GABBR1: variants seen among roughly 807,000 people sequenced by gnomAD.
GABBR1 encodes the protein GABA-B receptor, R1 subunit.
A neutral mutation model predicts 117.7 loss-of-function variants in GABBR1; 35 were observed. That is an observed-to-expected ratio of 0.30 (90% confidence interval 0.23 to 0.39). The LOEUF (loss-of-function observed/expected upper bound fraction) is 0.39, where lower values mean the gene tolerates loss of function less well. GABBR1 is among the 10% of genes least tolerant of loss of function. The probability of loss-of-function intolerance (pLI) is 1.00; values close to 1 mark genes in which losing one functional copy is unlikely to be tolerated. For synonymous variants in GABBR1, 442 were observed against 486.6 expected, an observed-to-expected ratio of 0.91 and a Z score of 1.21; for missense variants, 709 against 1,241.8, an observed-to-expected ratio of 0.57 and a Z score of 6.45.
At position 29,622,191 on chromosome 6, in the gene GABBR1, C is replaced by G. The variant is rs778954732; in HGVS notation, c.978G>C (p.Leu326=). The change falls in exon 9 of 23, where the codon CTG becomes CTC. Residue 326 remains leucine, a synonymous_variant. Coordinates refer to ENST00000377034, the MANE Select transcript of GABBR1 (RefSeq NM_001470.4). This position sits in a 1 kb window ranked among gnomAD's most constrained non-coding sequence, Gnocchi z 4.6. ...TEVFTSTLDD[L]EERVKEAGIE... ...TTCCAGCCTCCTTCACTCGTTCCTC[C>G]AGGTCGTCCAGAGTCTTGGGTGGGA... 5 of 1,613,790 alleles carry G rather than the reference C, an allele frequency of 3.1e-6. No individual in the cohort carries two copies. In the African/African-American group the frequency reaches 4.0e-5, roughly 13 times the overall value.
Position 29,606,575 on chromosome 6 carries a change from C to T in GABBR1, c.2218-91G>A. 1.1e-6 allele frequency: 1 copy of T among 894,354 alleles called. No homozygotes were observed. Among genetic ancestry groups the T allele is most frequent in the Admixed American group, 1.8e-5 (1 of 57,034 alleles). The allele number at this position is 894,354 out of a possible 1,614,324, so 55.4% of individuals were successfully genotyped here. On this transcript the variant is annotated intron_variant, in intron 18 of 22. Coordinates refer to ENST00000377034, the MANE Select transcript of GABBR1 (RefSeq NM_001470.4). This position sits in a 1 kb window ranked among gnomAD's most constrained non-coding sequence, Gnocchi z 4.5. Reference sequence around the variant, plus strand: ...CAGTCTCTGGCTTCCAACTGTTTTCCTATGAGACCCTCAATGCTGATGCCA... The same window carrying T: ...CAGTCTCTGGCTTCCAACTGTTTTCTTATGAGACCCTCAATGCTGATGCCA...
At chr6:29,615,465 T>C (rs1204597736) in intron 11 of GABBR1, among the ~76,000 whole-genome samples, 2 of 151,066 alleles carry the variant, frequency 1.3e-5, no homozygotes, top group Non-Finnish European at 2.9e-5. Flanking sequence ...AAAAATTAGC[T>C]GGGTGTGTTG....
chr6:29,613,344 C>T lies in GABBR1; in HGVS notation c.1465G>A (p.Gly489Ser), dbSNP rs1805057. ...TCCTCCAGGCGCACACCAGAACGGCCGCCTCCTCCAGATGTCTTGTTCAGG... is the reference window on the plus strand; with the variant it reads ...TCCTCCAGGCGCACACCAGAACGGCTGCCTCCTCCAGATGTCTTGTTCAGG... ...LALNKTSGGG[G>S]RSGVRLEDFN... The change falls in exon 12 of 23, where the codon GGC (glycine) becomes AGC (serine). Residue 489 changes from glycine to serine, a missense_variant. This residue lies in a region of GABBR1 where 38 missense variants were observed against 47.7 expected (regional missense o/e 0.80). Transcript: ENST00000377034. This position sits in a 1 kb window ranked among gnomAD's most constrained non-coding sequence, Gnocchi z 4.1. 2,618 of 1,613,066 alleles carry T rather than the reference C, an allele frequency of 1.6e-3. 5 individuals carry two copies. Among genetic ancestry groups the T allele is most frequent in the Non-Finnish European group, 2.0e-3 (2,316 of 1,180,010 alleles).
rs554775105 is a variant in GABBR1 at position 29,631,905 on chromosome 6, C to G, written c.86-306G>C. Reference sequence around the variant, plus strand: ...TGAAGGGTATGATATGTGGGTGGAGCTTTTCTTTAAAAAAAAAGGCTAAAT... The same window carrying G: ...TGAAGGGTATGATATGTGGGTGGAGGTTTTCTTTAAAAAAAAAGGCTAAAT... On this transcript the variant is annotated intron_variant, in intron 2 of 22. Transcript: ENST00000377034. This position sits in a 1 kb window ranked among gnomAD's most constrained non-coding sequence, Gnocchi z 5.9. 2.8e-5 allele frequency among the ~76,000 whole-genome samples: 4 copies of G among 141,112 alleles called. No individual in the cohort carries two copies. Among genetic ancestry groups the G allele is most frequent in the African/African-American group, 5.2e-5 (2 of 38,382 alleles). 92.6% of individuals were successfully genotyped at this position (141,112 alleles called of 152,430 possible). A position where few individuals can be genotyped will look rare whatever the true frequency, so the allele number is the denominator to read the frequency against.
Position 29,602,499 on chromosome 6 carries a change from T to TCG in GABBR1, c.*1043_*1044insCG. The TCG allele has an allele frequency of 6.3e-5, 10 of 157,674 alleles. No homozygotes were observed. Among genetic ancestry groups the TCG allele is most frequent in the Admixed American group, 3.6e-4 (6 of 16,792 alleles). The allele number at this position is 157,674 out of a possible 1,614,324, so 9.8% of individuals were successfully genotyped here. On this transcript the variant is annotated 3_prime_UTR_variant, in exon 23 of 23. Coordinates refer to ENST00000377034, the MANE Select transcript of GABBR1 (RefSeq NM_001470.4). ...GGAGAAGATGATTGTGAGTGTAGAC[T>TCG]GAGGGTAGTACATGAATGCAATGGA...
chr6:29,608,521 G>C, intron 16 of GABBR1, 80 bp downstream of exon 16: 3 of 1,440,574 alleles, frequency 2.1e-6, no homozygotes, highest in Non-Finnish European at 2.9e-6. Flanking sequence ...GAAGGGCAGA[G>C]AATCATAAAT....
chr6:29,614,561 ACTGGGCTTTGAAGGAGC>A (rs1165925371), intron 11 of GABBR1, among the ~76,000 whole-genome samples: 1 of 152,240 alleles, frequency 6.6e-6, no homozygotes, highest in Admixed American at 6.5e-5. Flanking sequence ...TTGCTACTAC[ACTGGGCTTTGAAGGAGC>A]CTGGGCTTTG....
Position 29,632,249 on chromosome 6 carries a change from G to A in GABBR1, c.85+52C>T. On this transcript the variant is annotated intron_variant, in intron 2 of 22. Coordinates refer to ENST00000377034, the MANE Select transcript of GABBR1 (RefSeq NM_001470.4). The surrounding 1 kb of genome is among the most constrained non-coding windows in gnomAD (Gnocchi z 5.8). ...GAGGACCAGAAATGAGGAGATGCAGGGAAAGGGAAGTGGAGCGAAGGAGGG... is the reference window on the plus strand; with the variant it reads ...GAGGACCAGAAATGAGGAGATGCAGAGAAAGGGAAGTGGAGCGAAGGAGGG... 1 of 1,079,496 alleles carries A rather than the reference G, an allele frequency of 9.3e-7. No individual in the cohort carries two copies. The highest frequency in any genetic ancestry group is 3.6e-5 in the Admixed American group (1 of 28,042). The allele number at this position is 1,079,496 out of a possible 1,614,324, so 66.9% of individuals were successfully genotyped here. A position where few individuals can be genotyped will look rare whatever the true frequency, so the allele number is the denominator to read the frequency against.
Position 29,605,774 on chromosome 6 carries a change from T to C in GABBR1, c.2312-78A>G, listed in dbSNP as rs1249646154. 2.6e-6 allele frequency: 4 copies of C among 1,542,530 alleles called. No homozygotes were observed. The highest frequency in any genetic ancestry group is 1.4e-5 in the African/African-American group (1 of 74,060). On this transcript the variant is annotated intron_variant, in intron 19 of 22. Transcript: ENST00000377034. This position sits in a 1 kb window ranked among gnomAD's most constrained non-coding sequence, Gnocchi z 4.2. ...CTCAATCCCCATCCCCTCTCTGCCC[T>C]TCACCTACTCTGAAATGGAAAGGGG...
chr6:29,616,397 C>A lies in GABBR1; in HGVS notation c.1324-2912G>T, dbSNP rs1562099949. On this transcript the variant is annotated intron_variant, in intron 11 of 22. Transcript: ENST00000377034. ...CATCTCAGAAAAAAAAAAAATTAGC[C>A]GGACTTGGCTTGGAGCAGTGGCTCA... Among the ~76,000 whole-genome samples the A allele has an allele frequency of 3.4e-5, 5 of 147,296 alleles. No individual in the cohort carries two copies. In the South Asian group the frequency reaches 1.1e-3, roughly 32 times the overall value.
In GABBR1 at chr6:29,607,222, G is replaced by A. The variant is rs769523341; in HGVS notation, c.1993-4C>T. The A allele has an allele frequency of 1.2e-6, 2 of 1,611,886 alleles. No homozygotes were observed. Among genetic ancestry groups the A allele is most frequent in the Non-Finnish European group, 1.7e-6 (2 of 1,178,072 alleles). ...GGCCCAGGAGCCAGAGGCGGGCCTAGAAAGGAAGAGAGGGCACAGGCAGAA... is the reference window on the plus strand; with the variant it reads ...GGCCCAGGAGCCAGAGGCGGGCCTAAAAAGGAAGAGAGGGCACAGGCAGAA... On this transcript the variant is annotated splice_polypyrimidine_tract_variant and splice_region_variant and intron_variant, in intron 16 of 22. Coordinates refer to ENST00000377034, the MANE Select transcript of GABBR1 (RefSeq NM_001470.4). This position sits in a 1 kb window ranked among gnomAD's most constrained non-coding sequence, Gnocchi z 5.0.
Position 29,613,480 on chromosome 6 carries a change from G to C in GABBR1, c.1329C>G (p.Ser443=), listed in dbSNP as rs115154981. The C allele has an allele frequency of 3.7e-6, 6 of 1,611,898 alleles. No homozygotes were observed. The highest frequency in any genetic ancestry group is 5.1e-6 in the Non-Finnish European group (6 of 1,179,184). Residue 443 remains serine, a synonymous_variant, in exon 12 of 23, where the codon TCC becomes TCG. Transcript: ENST00000377034. The surrounding 1 kb of genome is among the most constrained non-coding windows in gnomAD (Gnocchi z 4.1). ...TGGTTAGTTTCTCCACAAATTCCTG[G>C]GATGTCTTGGGAGGAAAAAATCATG... ...ANTRSISNMT[S]QEFVEKLTKR... is the part of the protein sequence containing the mutation.
In GABBR1 at chr6:29,603,364, C is replaced by T; in HGVS notation, c.*179G>A. The T allele has an allele frequency of 4.2e-6, 3 of 714,326 alleles. No individual in the cohort carries two copies. The highest frequency in any genetic ancestry group is 5.1e-6 in the Non-Finnish European group (2 of 389,038). 44.2% of individuals were successfully genotyped at this position (714,326 alleles called of 1,614,324 possible). A position where few individuals can be genotyped will look rare whatever the true frequency, so the allele number is the denominator to read the frequency against. On this transcript the variant is annotated 3_prime_UTR_variant, in exon 23 of 23. Transcript: ENST00000377034. ...GTAAGAGAGAAAAAGGTCTGTTTCC[C>T]AGAGGTATGAGAGACCCAAATCAGC...
At chr6:29,612,666 AAG>A in intron 12 of GABBR1, 52 bp from the exon 13 acceptor site, 1 of 1,447,662 alleles carries the variant, frequency 6.9e-7, no homozygotes, top group South Asian at 1.1e-5. Context: ...GCAAGAGTGA[AAG>A]AGAACATCAG....
rs1306740029 is a variant in GABBR1, at chr6:29,607,932, T to A, written c.1992+669A>T. Among the ~76,000 whole-genome samples, 1 of 152,220 alleles carries A rather than the reference T, an allele frequency of 6.6e-6. No individual in the cohort carries two copies. Among genetic ancestry groups the A allele is most frequent in the African/African-American group, 2.4e-5 (1 of 41,470 alleles). ...CTCACTGGGAACAGAGGATTCCTGATGAACTGCATGTGCATGTGCATGGAA... is the reference window on the plus strand; with the variant it reads ...CTCACTGGGAACAGAGGATTCCTGAAGAACTGCATGTGCATGTGCATGGAA... On this transcript the variant is annotated intron_variant, in intron 16 of 22. Transcript: ENST00000377034. The surrounding 1 kb of genome is among the most constrained non-coding windows in gnomAD (Gnocchi z 5.0).
chr6:29,605,432 A>T lies in GABBR1; in HGVS notation c.2439+137T>A. On this transcript the variant is annotated intron_variant, in intron 20 of 22. Coordinates refer to ENST00000377034, the MANE Select transcript of GABBR1 (RefSeq NM_001470.4). This position sits in a 1 kb window ranked among gnomAD's most constrained non-coding sequence, Gnocchi z 4.2. The stretch of plus-strand genomic sequence containing the variant: ...AGCTTTGTAAACTGTAAAGTGCTTT[A>T]TAGACCTGAAGAATTAACAAACTTT... 1.0e-6 allele frequency: 1 copy of T among 1,004,340 alleles called. No individual in the cohort carries two copies. The highest frequency in any genetic ancestry group is 1.5e-6 in the Non-Finnish European group (1 of 676,654). 62.2% of individuals were successfully genotyped at this position (1,004,340 alleles called of 1,614,324 possible).
rs1761510902 is a variant in GABBR1 at position 29,602,861 on chromosome 6, CAT to C, written c.*680_*681del. ...TGTGAATGCAGGGCACCCGAGAGCA[CAT>C]GTGACTGAACATGAAGAAAGCATAC... On this transcript the variant is annotated 3_prime_UTR_variant, in exon 23 of 23. Coordinates refer to ENST00000377034, the MANE Select transcript of GABBR1 (RefSeq NM_001470.4). 8.0e-6 allele frequency: 3 copies of C among 373,182 alleles called. No homozygotes were observed. The highest frequency in any genetic ancestry group is 2.0e-5 in the South Asian group (1 of 49,738). 23.1% of individuals were successfully genotyped at this position (373,182 alleles called of 1,614,324 possible).
rs759804056 is a variant in GABBR1, at chr6:29,627,522, C to T, written c.621G>A (p.Pro207=). ...EDVNSRRDIL[P]DYELKLIHHD... ...GGTGGATGAGCTTGAGCTCATAGTC[C>T]GGCAGGATGTCCCTGCGGCTATTCA... The change falls in exon 6 of 23, where the codon CCG becomes CCA. Residue 207 remains proline, a synonymous_variant. Transcript: ENST00000377034. The surrounding 1 kb of genome is among the most constrained non-coding windows in gnomAD (Gnocchi z 4.4). 6.2e-6 allele frequency: 10 copies of T among 1,606,480 alleles called. No homozygotes were observed. Among genetic ancestry groups the T allele is most frequent in the South Asian group, 3.3e-5 (3 of 89,836 alleles).
At chr6:29,624,257 T>G (rs1378415638) in intron 6 of GABBR1, 1 of 439,218 alleles carries the variant, frequency 2.3e-6, no homozygotes, top group Non-Finnish European at 4.1e-6. Context: ...TCACCTCTCC[T>G]GCACACCCCT....
Sources: allele counts gnomAD v4.1 joint callset (sites outside exome capture counted in the v4.1 genomes callset), GRCh38; gene constraint gnomAD v4.1.1; regional missense constraint gnomAD v4.1.1; non-coding constraint Gnocchi (gnomAD v3.1); transcripts MANE v1.5; gene names NCBI Gene and HGNC (gene_info 2026-07-23, HGNC 2026-07-21).